LYPD6B: variants seen among roughly 807,000 people sequenced by gnomAD.
LYPD6B encodes the protein ly6/PLAUR domain-containing protein 6B.
In LYPD6B, 17 loss-of-function variants were observed where a neutral mutation model predicts 22.8. The observed-to-expected ratio is 0.75, with a 90% CI of 0.51 to 1.12. The LOEUF (loss-of-function observed/expected upper bound fraction) is 1.12. LYPD6B is among the 50% of genes most tolerant of loss of function. The probability of loss-of-function intolerance (pLI) is 0.00; values close to 1 mark genes in which losing one functional copy is unlikely to be tolerated. For missense variants in LYPD6B, 221 were observed against 258.3 expected (o/e 0.86, Z 0.99); for synonymous variants, 106 against 91.6 (o/e 1.16, Z -0.90).
intron 1 of LYPD6B, among the ~76,000 whole-genome samples, chr2:149,130,498 A>G (rs1413191456): frequency 6.6e-6 from 1 of 152,182 alleles, no homozygotes; most frequent in African/African-American, 2.4e-5. Flanking sequence ...AAAGTTGAAG[A>G]TGCATGTTCA....
intron 5 of LYPD6B, among the ~76,000 whole-genome samples, chr2:149,212,602 A>C (rs1394077563): frequency 2.0e-5 from 3 of 152,122 alleles, no homozygotes; most frequent in African/African-American, 7.2e-5. Context: ...ATTGCGTTTT[A>C]CCATCACAAT....
intron 1 of LYPD6B, among the ~76,000 whole-genome samples, chr2:149,074,725 A>G (rs1420720019): frequency 2.0e-5 from 3 of 152,256 alleles, no homozygotes; most frequent in Non-Finnish European, 4.4e-5. Flanking sequence ...TGGGCCTACC[A>G]CTTACTTTCC....
At chr2:149,151,600 G>A (rs1482192301) in intron 2 of LYPD6B, among the ~76,000 whole-genome samples, 2 of 152,178 alleles carry the variant, frequency 1.3e-5, no homozygotes, top group African/African-American at 4.8e-5. Flanking sequence ...TTTTGCCGAT[G>A]GATGTCCTTA....
chr2:149,174,295 G>T (rs1045433423), intron 3 of LYPD6B, among the ~76,000 whole-genome samples: 1 of 152,162 alleles, frequency 6.6e-6, no homozygotes, highest in Admixed American at 6.5e-5. Flanking sequence ...TGAGATGATG[G>T]TGTTTTCTAG....
intron 1 of LYPD6B, among the ~76,000 whole-genome samples, chr2:149,119,532 C>A (rs543111290): frequency 6.6e-6 from 1 of 152,320 alleles, no homozygotes; most frequent in East Asian, 1.9e-4. Flanking sequence ...AACACATTAA[C>A]GATGAACTCA....
chr2:149,087,606 G>T (rs978468359), intron 1 of LYPD6B, among the ~76,000 whole-genome samples: 1 of 152,070 alleles, frequency 6.6e-6, no homozygotes, highest in Admixed American at 6.6e-5. Flanking sequence ...TTGTGTATTT[G>T]TTGTGCAAAT....
chr2:149,043,364 T>C (rs1352437613), intron 1 of LYPD6B, among the ~76,000 whole-genome samples: 1 of 152,130 alleles, frequency 6.6e-6, no homozygotes, highest in Non-Finnish European at 1.5e-5. Flanking sequence ...ATTCCAAAGT[T>C]AAATAATATG....
At chr2:149,080,230 C>T (rs1685062903) in intron 1 of LYPD6B, among the ~76,000 whole-genome samples, 2 of 152,090 alleles carry the variant, frequency 1.3e-5, no homozygotes, top group South Asian at 2.1e-4. Context: ...TGCTTGTGGC[C>T]GCATAACTTT....
rs574372469 is a variant in LYPD6B at position 149,137,397 on chromosome 2, TG to T, written c.5+6446del. ...CAAAGGGTTCATTTAAGGGTATATC[TG>T]GCTTATCTATGCATAAGAAAATATG... On this transcript the variant is annotated intron_variant, in intron 2 of 6. Coordinates refer to ENST00000409642, the MANE Select transcript of LYPD6B (RefSeq NM_177964.5). Among the ~76,000 whole-genome samples the T allele has an allele frequency of 3.9e-3, 600 of 152,348 alleles. 3 individuals carry two copies. Among genetic ancestry groups the T allele is most frequent in the Middle Eastern group, 0.014 (4 of 294 alleles).
intron 2 of LYPD6B, among the ~76,000 whole-genome samples, chr2:149,145,092 G>A (rs146949525): frequency 2.4e-3 from 366 of 152,248 alleles, no homozygotes; most frequent in Non-Finnish European, 4.0e-3. Context: ...TAAGTGGTCC[G>A]TCATTTGAAA....
chr2:149,047,448 T>G (rs1683362792), intron 1 of LYPD6B, among the ~76,000 whole-genome samples: 1 of 152,146 alleles, frequency 6.6e-6, no homozygotes, highest in African/African-American at 2.4e-5. Flanking sequence ...TGACAAGAAG[T>G]CTTCTGTAAT....
intron 1 of LYPD6B, among the ~76,000 whole-genome samples, chr2:149,090,259 G>A (rs955867555): frequency 6.6e-6 from 1 of 152,156 alleles, no homozygotes; most frequent in Non-Finnish European, 1.5e-5. Context: ...GCTTAACCAT[G>A]AACATAATAT....
chr2:149,123,316 C>T (rs1220911912), intron 1 of LYPD6B, among the ~76,000 whole-genome samples: 1 of 152,036 alleles, frequency 6.6e-6, no homozygotes, highest in African/African-American at 2.4e-5. Context: ...TATGCATGTT[C>T]TGTGGTGTTG....
chr2:149,196,820 T>C (rs921765342), intron 3 of LYPD6B, among the ~76,000 whole-genome samples: 3 of 152,258 alleles, frequency 2.0e-5, no homozygotes, highest in Non-Finnish European at 2.9e-5. Flanking sequence ...CATTTTTCTA[T>C]GTCAGCTGAG....
chr2:149,153,087 G>A (rs1431411010), intron 2 of LYPD6B, among the ~76,000 whole-genome samples: 1 of 152,182 alleles, frequency 6.6e-6, no homozygotes, highest in Admixed American at 6.5e-5. Context: ...AATCCAGTGT[G>A]GTTGATAAAA....
intron 1 of LYPD6B, among the ~76,000 whole-genome samples, chr2:149,096,971 C>G (rs1486617136): frequency 2.0e-5 from 3 of 152,230 alleles, no homozygotes; most frequent in African/African-American, 7.2e-5. Context: ...AAATGTGGAG[C>G]TAAATCTCCA....
chr2:149,046,648 A>T (rs1390548675), intron 1 of LYPD6B, among the ~76,000 whole-genome samples: 1 of 151,790 alleles, frequency 6.6e-6, no homozygotes, highest in African/African-American at 2.4e-5. Flanking sequence ...TCCACTATGG[A>T]CTTCTTACCT....
intron 1 of LYPD6B, among the ~76,000 whole-genome samples, chr2:149,051,649 T>C (rs1012331772): frequency 6.6e-6 from 1 of 151,668 alleles, no homozygotes; most frequent in African/African-American, 2.4e-5. Flanking sequence ...CATAAGTGAG[T>C]AAAGGGCTAT....
At chr2:149,084,814 A>T (rs1471650) in intron 1 of LYPD6B, among the ~76,000 whole-genome samples, 1 of 152,024 alleles carries the variant, frequency 6.6e-6, no homozygotes, top group East Asian at 1.9e-4. Context: ...CACCTTTCCC[A>T]TAGACTCTTA....
Sources: allele counts gnomAD v4.1 joint callset (sites outside exome capture counted in the v4.1 genomes callset), GRCh38; gene constraint gnomAD v4.1.1; transcripts MANE v1.5; gene names NCBI Gene and HGNC (gene_info 2026-07-23, HGNC 2026-07-21).